The following GNAZ variants were observed in gnomAD, a reference collection of about 807,000 sequenced individuals.
The protein encoded by GNAZ is guanine nucleotide-binding protein G(z) subunit alpha.
A neutral mutation model predicts 25.4 loss-of-function variants in GNAZ; 3 were observed. The observed-to-expected ratio is 0.12, with a 90% confidence interval of 0.05 to 0.30. GNAZ has a LOEUF of 0.30. GNAZ is among the 10% of genes least tolerant of loss of function. The probability of loss-of-function intolerance (pLI) is 1.00; values close to 1 mark genes in which losing one functional copy is unlikely to be tolerated. For synonymous variants in GNAZ, 211 were observed against 205.7 expected (o/e 1.03, Z -0.22); for missense variants, 241 against 501.8 (o/e 0.48, Z 4.97).
intron 2 of GNAZ, among the ~76,000 whole-genome samples, chr22:23,118,314 C>T (rs143305628): frequency 1.3e-5 from 2 of 152,326 alleles, no homozygotes; most frequent in African/African-American, 4.8e-5. Context: ...CTGTCTGCTC[C>T]GTGTTATTTA....
intron 2 of GNAZ, among the ~76,000 whole-genome samples, chr22:23,114,398 C>G (rs1472790484): frequency 6.6e-6 from 1 of 152,206 alleles, no homozygotes; most frequent in African/African-American, 2.4e-5. Context: ...CCCGGCCCCA[C>G]CCTTCCCAGC....
At position 23,124,382 on chromosome 22, in the gene GNAZ, G is replaced by A. The variant is rs994795528; in HGVS notation, c.*951G>A. On this transcript the variant is annotated 3_prime_UTR_variant, in exon 3 of 3. Transcript: ENST00000615612. ...TGAGTGTAAAAGTTGTTATCTGGAC[G>A]ATCTGTCTCTCTGCTCCAAAGAAAT... 5 of 468,074 alleles carry A rather than the reference G, an allele frequency of 1.1e-5. No individual in the cohort carries two copies. The highest frequency in any genetic ancestry group is 6.0e-5 in the African/African-American group (3 of 49,916). 29.0% of individuals were successfully genotyped at this position (468,074 alleles called of 1,614,324 possible).
At chr22:23,091,455 T>G (rs185815675) in intron 1 of GNAZ, among the ~76,000 whole-genome samples, 76 of 146,922 alleles carry the variant, frequency 5.2e-4, no homozygotes, top group Non-Finnish European at 9.3e-4. Context: ...CAGGGTCCTA[T>G]GCATACACAC....
intron 1 of GNAZ, among the ~76,000 whole-genome samples, chr22:23,087,659 T>TG (rs1030391177): frequency 1.3e-5 from 2 of 152,160 alleles, no homozygotes; most frequent in East Asian, 1.9e-4. Context: ...ACTTGGTGGA[T>TG]GGGGGGTAGC....
At chr22:23,103,234 G>T (rs1233018059) in intron 2 of GNAZ, among the ~76,000 whole-genome samples, 2 of 152,164 alleles carry the variant, frequency 1.3e-5, no homozygotes, top group African/African-American at 4.8e-5. Context: ...AGCCAGGTAG[G>T]AGTAATCACA....
chr22:23,093,629 C>T (rs1030139680), intron 1 of GNAZ, among the ~76,000 whole-genome samples: 31 of 152,200 alleles, frequency 2.0e-4, no homozygotes, highest in African/African-American at 7.2e-4. Flanking sequence ...TTGTGCTGGA[C>T]GCTTTACTCT....
At chr22:23,117,572 C>G (rs776694738) in intron 2 of GNAZ, among the ~76,000 whole-genome samples, 1 of 152,340 alleles carries the variant, frequency 6.6e-6, no homozygotes, top group East Asian at 1.9e-4. Context: ...GGTGAGAGGA[C>G]GTCCCAGTGC....
rs181037244 is a variant in GNAZ at position 23,080,915 on chromosome 22, C to G, written c.-450+10345C>G. 2.0e-3 allele frequency among the ~76,000 whole-genome samples: 311 copies of G among 152,328 alleles called. 1 individual carries two copies. Among genetic ancestry groups the G allele is most frequent in the Non-Finnish European group, 2.2e-3 (151 of 68,034 alleles). On this transcript the variant is annotated intron_variant, in intron 1 of 2. Coordinates refer to ENST00000615612, the MANE Select transcript of GNAZ (RefSeq NM_002073.4). ...TAAAGCATGCTGGCTTGTGTCAGTA[C>G]AGGGTTGGCCCTCCAGGGCAGCGGG...
chr22:23,082,652 G>C (rs970559401), intron 1 of GNAZ, among the ~76,000 whole-genome samples: 2 of 152,112 alleles, frequency 1.3e-5, no homozygotes, highest in African/African-American at 4.8e-5. Flanking sequence ...GCTGCTTGAT[G>C]ACACTGCAGA....
intron 1 of GNAZ, among the ~76,000 whole-genome samples, chr22:23,085,307 G>A (rs778764756): frequency 2.6e-5 from 4 of 152,240 alleles, no homozygotes; most frequent in Admixed American, 2.0e-4. Context: ...TCTCCCCAGC[G>A]AGAATACAAG....
At chr22:23,112,090 G>A (rs1429451179) in intron 2 of GNAZ, among the ~76,000 whole-genome samples, 1 of 152,192 alleles carries the variant, frequency 6.6e-6, no homozygotes, top group African/African-American at 2.4e-5. Context: ...GCAGGGACCA[G>A]GAGGGCCAGA....
At chr22:23,121,720 CTTTTTTTTT>C (rs10598505) in intron 2 of GNAZ, among the ~76,000 whole-genome samples, 1 of 123,184 alleles carries the variant, frequency 8.1e-6, no homozygotes, top group Non-Finnish European at 1.7e-5. Context: ...AGAAAAGTTC[CTTTTTTTTT>C]TTTTTTTTTT....
intron 1 of GNAZ, among the ~76,000 whole-genome samples, chr22:23,089,264 T>G (rs377491399): frequency 2.9e-4 from 44 of 152,330 alleles, no homozygotes; most frequent in African/African-American, 1.0e-3. Flanking sequence ...GTGGGCTGTC[T>G]TCTTCTGCCT....
intron 2 of GNAZ, among the ~76,000 whole-genome samples, chr22:23,119,362 G>A (rs1231128544): frequency 1.3e-5 from 2 of 152,150 alleles, no homozygotes; most frequent in East Asian, 1.9e-4. Flanking sequence ...TCTAGGTTTG[G>A]CCTCCTCTCA....
rs1359364591 is a variant in GNAZ at position 23,095,342 on chromosome 22, C to T, written c.-354C>T. 1.8e-5 allele frequency: 5 copies of T among 277,032 alleles called. No homozygotes were observed. Among genetic ancestry groups the T allele is most frequent in the East Asian group, 8.7e-5 (1 of 11,484 alleles). 17.2% of individuals were successfully genotyped at this position (277,032 alleles called of 1,614,324 possible). On this transcript the variant is annotated 5_prime_UTR_variant, in exon 2 of 3. Transcript: ENST00000615612. Reference sequence around the variant, plus strand: ...CAACCCTCCAGCCACTCAGCAACATCGCCACAGCAACCAGCAACCAGACGG... The same window carrying T: ...CAACCCTCCAGCCACTCAGCAACATTGCCACAGCAACCAGCAACCAGACGG...
intron 1 of GNAZ, among the ~76,000 whole-genome samples, chr22:23,084,101 T>G (rs1383639501): frequency 6.6e-6 from 1 of 152,158 alleles, no homozygotes; most frequent in South Asian, 2.1e-4. Flanking sequence ...GGGTAGCTTG[T>G]CCCTACCCAT....
intron 1 of GNAZ, among the ~76,000 whole-genome samples, chr22:23,072,091 G>GAGCAA (rs2068394920): frequency 6.6e-6 from 1 of 152,100 alleles, no homozygotes; most frequent in Non-Finnish European, 1.5e-5. Context: ...TTTAAAGACT[G>GAGCAA]GGGAAGGCTC....
chr22:23,077,930 G>A (rs989895131), intron 1 of GNAZ, among the ~76,000 whole-genome samples: 5 of 152,178 alleles, frequency 3.3e-5, no homozygotes, highest in Admixed American at 2.6e-4. Flanking sequence ...CAGGCCAGGG[G>A]AGGAGCAACT....
chr22:23,073,591 A>G (rs1029905089), intron 1 of GNAZ, among the ~76,000 whole-genome samples: 1 of 152,180 alleles, frequency 6.6e-6, no homozygotes, highest in Non-Finnish European at 1.5e-5. Context: ...CCCCTGCCAC[A>G]CATTTTGGCC....
Sources: gnomAD v4.1 joint callset for allele counts (sites outside exome capture counted in the v4.1 genomes callset) on GRCh38, gnomAD v4.1.1 for gene constraint, MANE v1.5 for transcripts, NCBI Gene and HGNC (gene_info 2026-07-23, HGNC 2026-07-21) for gene names.